LEUTX: variants seen among roughly 807,000 people sequenced by gnomAD.
The protein encoded by LEUTX is leucine twenty homeobox, also known as paired-like homeodomain transcription factor LEUTX.
Under a neutral mutation model 4.5 loss-of-function variants are expected in LEUTX, and 5 were observed. That is an observed-to-expected ratio of 1.11 (90% CI 0.58 to 2.34). The LOEUF (loss-of-function observed/expected upper bound fraction) is 2.34, where lower values mean the gene tolerates loss of function less well. Among genes scored for constraint, LEUTX ranks in the 30% most tolerant of loss-of-function variants. The pLI, the probability that LEUTX is intolerant of heterozygous loss-of-function variation, is 0.01. For synonymous variants in LEUTX, 89 were observed against 85.1 expected, an observed-to-expected ratio of 1.05 and a Z score of -0.25; for missense variants, 233 against 239.4, an observed-to-expected ratio of 0.97 and a Z score of 0.18.
At chr19:39,779,449 G>T (rs191807375) in intron 1 of LEUTX, among the ~76,000 whole-genome samples, 1 of 152,006 alleles carries the variant, frequency 6.6e-6, no homozygotes, top group Admixed American at 6.5e-5. Flanking sequence ...TATTTTAAAG[G>T]CCATTCTGTT....
At position 39,786,147 on chromosome 19, in the gene LEUTX, T is replaced by C. The variant is rs1328671520; in HGVS notation, c.*12T>C. On this transcript the variant is annotated 3_prime_UTR_variant, in exon 3 of 3. Transcript: ENST00000638280. ...AATCTTCAGTGTAACTTCTTACACATCACTTCTAGGGGAGGTCTGGATCTG... is the reference window on the plus strand; with the variant it reads ...AATCTTCAGTGTAACTTCTTACACACCACTTCTAGGGGAGGTCTGGATCTG... 6.7e-7 allele frequency: 1 copy of C among 1,502,552 alleles called. No individual in the cohort carries two copies. Among genetic ancestry groups the C allele is most frequent in the Admixed American group, 2.2e-5 (1 of 45,484 alleles). 93.1% of individuals were successfully genotyped at this position (1,502,552 alleles called of 1,614,324 possible). A position where few individuals can be genotyped will look rare whatever the true frequency, so the allele number is the denominator to read the frequency against.
At chr19:39,780,591 C>G (rs1246469654) in intron 1 of LEUTX, among the ~76,000 whole-genome samples, 1 of 152,096 alleles carries the variant, frequency 6.6e-6, no homozygotes, top group African/African-American at 2.4e-5. Context: ...ATTGCTAGTG[C>G]TGGACATCCC....
At chr19:39,780,846 T>A (rs181330038) in intron 1 of LEUTX, among the ~76,000 whole-genome samples, 1 of 146,664 alleles carries the variant, frequency 6.8e-6, no homozygotes, top group East Asian at 1.9e-4. Flanking sequence ...TAGATTTTCT[T>A]TTTTTTTGTA....
Position 39,781,870 on chromosome 19 carries a change from T to C in LEUTX, c.8-2657T>C, listed in dbSNP as rs145403802. ...GCCTGTAATTAACAGACTTGCTTCT[T>C]TGGTTACTCACATCTTCCCTAAAGG... is the stretch of plus-strand genomic sequence containing the variant. On this transcript the variant is annotated intron_variant, in intron 1 of 2. Coordinates refer to ENST00000638280, the MANE Select transcript of LEUTX (RefSeq NM_001382345.1). Among the ~76,000 whole-genome samples, 237 of 152,322 alleles carry C rather than the reference T, an allele frequency of 1.6e-3. 3 individuals carry two copies. The East Asian group carries it at 0.04, about 26-fold the overall frequency.
intron 1 of LEUTX, among the ~76,000 whole-genome samples, chr19:39,784,192 T>C (rs571627550): frequency 7.1e-4 from 108 of 152,282 alleles, no homozygotes; most frequent in Non-Finnish European, 1.2e-3. Context: ...TTTCCTTAAA[T>C]TGGGCTTCAC....
At chr19:39,784,802 C>A in intron 2 of LEUTX, 124 bp downstream of exon 2, 1 of 674,916 alleles carries the variant, frequency 1.5e-6, no homozygotes, top group South Asian at 2.2e-5. Flanking sequence ...ATGTTAAGCA[C>A]TTTATATTTT....
chr19:39,782,236 A>G (rs1213711162), intron 1 of LEUTX, among the ~76,000 whole-genome samples: 1 of 152,072 alleles, frequency 6.6e-6, no homozygotes, highest in South Asian at 2.1e-4. Flanking sequence ...ACTCACCCAA[A>G]TCTCATCTTG....
chr19:39,781,631 T>A (rs965460011), intron 1 of LEUTX, among the ~76,000 whole-genome samples: 4 of 152,136 alleles, frequency 2.6e-5, no homozygotes, highest in Non-Finnish European at 5.9e-5. Flanking sequence ...CTTCCCCTGC[T>A]GTCTCTTGCT....
chr19:39,783,086 C>T (rs1251956095), intron 1 of LEUTX, among the ~76,000 whole-genome samples: 2 of 151,672 alleles, frequency 1.3e-5, no homozygotes, highest in Non-Finnish European at 2.9e-5. Flanking sequence ...TATGCCCTTA[C>T]ATCCTCATAG....
upstream of LEUTX, among the ~76,000 whole-genome samples, chr19:39,777,667 G>C (rs1212568659): frequency 6.6e-6 from 1 of 152,106 alleles, no homozygotes; most frequent in Admixed American, 6.5e-5. Context: ...TCCTGTAAAA[G>C]ACATAGATGG....
chr19:39,779,629 T>G (rs1235572062), intron 1 of LEUTX, among the ~76,000 whole-genome samples: 1 of 152,246 alleles, frequency 6.6e-6, no homozygotes, highest in Non-Finnish European at 1.5e-5. Context: ...AATTTACTTA[T>G]GAGTACCGTT....
At chr19:39,785,213 AG>A (rs1417794771) in intron 2 of LEUTX, among the ~76,000 whole-genome samples, 1 of 152,196 alleles carries the variant, frequency 6.6e-6, no homozygotes, top group Admixed American at 6.5e-5. Flanking sequence ...TGGAGGCAGG[AG>A]GATCGCTTAA....
Position 39,785,883 on chromosome 19 carries a change from A to C in LEUTX, c.345A>C (p.Leu115=). The stretch of plus-strand genomic sequence containing the variant: ...TCTCTGATGCAAATGACCATGATCT[A>C]CGTGAGCCTTCTGGTATCAAGAATC... ...PGISDANDHD[L]REPSGIKNPG... The change falls in exon 3 of 3, where the codon CTA becomes CTC. Residue 115 remains leucine (L), a synonymous_variant. Transcript: ENST00000638280. The C allele has an allele frequency of 1.3e-6, 2 of 1,551,782 alleles. No individual in the cohort carries two copies. Among genetic ancestry groups the C allele is most frequent in the Non-Finnish European group, 1.7e-6 (2 of 1,147,006 alleles).
chr19:39,782,201 A>C (rs1009027004), intron 1 of LEUTX, among the ~76,000 whole-genome samples: 1 of 152,132 alleles, frequency 6.6e-6, no homozygotes, highest in Non-Finnish European at 1.5e-5. Context: ...ACATCATGCC[A>C]CTATTCTATT....
upstream of LEUTX, among the ~76,000 whole-genome samples, chr19:39,777,849 T>C (rs1213646970): frequency 6.6e-6 from 1 of 152,146 alleles, no homozygotes; most frequent in Non-Finnish European, 1.5e-5. Flanking sequence ...CCTTCAATCA[T>C]TTGGCCTTCA....
At chr19:39,785,575 C>T in intron 2 of LEUTX, 123 bp from the exon 3 acceptor site, 2 of 731,490 alleles carry the variant, frequency 2.7e-6, no homozygotes, top group Admixed American at 2.9e-5. Flanking sequence ...GTAGAAAGGG[C>T]TTCCCTTGTT....
Position 39,785,789 on chromosome 19 carries a change from C to T in LEUTX, c.251C>T (p.Thr84Ile), listed in dbSNP as rs1360837594. ...RPSLGPANQT[T>I]SVKKEETPSA... ...TCACTAGGGCCAGCAAACCAGACAACTTCAGTGAAGAAGGAGGAGACTCCC... is the reference window on the plus strand; with the variant it reads ...TCACTAGGGCCAGCAAACCAGACAATTTCAGTGAAGAAGGAGGAGACTCCC... The change falls in exon 3 of 3, where the codon ACT (threonine) becomes ATT (isoleucine). Residue 84 changes from threonine to isoleucine, a missense_variant. Physicochemically the swap from Thr to Ile is moderately conservative, Grantham distance 89. Coordinates refer to ENST00000638280, the MANE Select transcript of LEUTX (RefSeq NM_001382345.1). 6.4e-7 allele frequency: 1 copy of T among 1,551,658 alleles called. No individual in the cohort carries two copies. Among genetic ancestry groups the T allele is most frequent in the Admixed American group, 2.0e-5 (1 of 50,982 alleles).
At chr19:39,784,246 G>A (rs1323798501) in intron 1 of LEUTX, among the ~76,000 whole-genome samples, 1 of 151,816 alleles carries the variant, frequency 6.6e-6, no homozygotes, top group Non-Finnish European at 1.5e-5. Flanking sequence ...CTGACCTTCA[G>A]AATTCTTTTT....
chr19:39,783,261 T>C (rs1036626027), intron 1 of LEUTX, among the ~76,000 whole-genome samples: 1 of 146,410 alleles, frequency 6.8e-6, no homozygotes, highest in African/African-American at 2.5e-5. Flanking sequence ...TATATATAAA[T>C]TATATATATA....
Sources: allele counts gnomAD v4.1 joint callset (sites outside exome capture counted in the v4.1 genomes callset), GRCh38; gene constraint gnomAD v4.1.1; transcripts MANE v1.5; gene names NCBI Gene and HGNC (gene_info 2026-07-23, HGNC 2026-07-21).